JAM3: variants seen among roughly 807,000 people sequenced by gnomAD.
The protein encoded by JAM3 is junctional adhesion molecule 3, also known as junctional adhesion molecule C.
In JAM3, 31 loss-of-function variants were observed where a neutral mutation model predicts 39.4. The observed-to-expected ratio is 0.79, with a 90% CI of 0.59 to 1.06. JAM3 has a LOEUF of 1.06. Ranked by LOEUF, JAM3 falls within the 50% of genes least tolerant of loss-of-function variation. The pLI is 0.00. For missense variants in JAM3, 455 were observed against 391.4 expected (o/e 1.16, Z -1.37); for synonymous variants, 182 against 148.7 (o/e 1.22, Z -1.63).
intron 1 of JAM3, chr11:134,124,090 C>T (rs1942591064): frequency 6.7e-7 from 1 of 1,489,056 alleles, no homozygotes; most frequent in African/African-American, 1.4e-5. Flanking sequence ...TTTAACCAAT[C>T]ATCTACTATC....
intron 1 of JAM3, among the ~76,000 whole-genome samples, chr11:134,134,876 GTTC>G (rs1485607930): frequency 1.2e-4 from 18 of 152,248 alleles, no homozygotes; most frequent in African/African-American, 4.3e-4. Flanking sequence ...AGTTGTAGGA[GTTC>G]TTTATATATT....
intron 1 of JAM3, among the ~76,000 whole-genome samples, chr11:134,094,635 T>G (rs1376936263): frequency 6.2e-5 from 4 of 64,180 alleles, no homozygotes; most frequent in African/African-American, 1.1e-4. Context: ...CCCTCCTTAT[T>G]CATCATGTTC....
chr11:134,073,729 T>A (rs531043516), intron 1 of JAM3, among the ~76,000 whole-genome samples: 1 of 152,248 alleles, frequency 6.6e-6, no homozygotes, highest in African/African-American at 2.4e-5. Context: ...CATTGTATTT[T>A]CTCAATGATA....
In JAM3 at chr11:134,069,097, G is replaced by T; in HGVS notation, c.14G>T (p.Arg5Leu). Residue 5 changes from arginine to leucine, a missense_variant, in exon 1 of 9, where the codon CGG becomes CTG. Coordinates refer to ENST00000299106, the MANE Select transcript of JAM3 (RefSeq NM_032801.5). MALRRPPRLRLCARL... is the reference protein window; with the variant it reads MALRLPPRLRLCARL... The stretch of plus-strand genomic sequence containing the variant: ...GCAACCCTCGACATGGCGCTGAGGC[G>T]GCCACCGCGACTCCGGCTCTGCGCT... 1 of 1,611,628 alleles carries T rather than the reference G, an allele frequency of 6.2e-7. No individual in the cohort carries two copies.
At chr11:134,125,185 G>A (rs1423924678) in intron 1 of JAM3, among the ~76,000 whole-genome samples, 4 of 152,360 alleles carry the variant, frequency 2.6e-5, no homozygotes, top group Non-Finnish European at 4.4e-5. Flanking sequence ...CGCCGCCACC[G>A]CCGCTGCACG....
At position 134,150,120 on chromosome 11, in the gene JAM3, A is replaced by G; in HGVS notation, c.*939A>G. On this transcript the variant is annotated 3_prime_UTR_variant, in exon 9 of 9. Coordinates refer to ENST00000299106, the MANE Select transcript of JAM3 (RefSeq NM_032801.5). Reference sequence around the variant, plus strand: ...AGTATTTTACCCAAGGAATCCTCTCATGGAAGTTTACTGTGATGTTCCTTT... The same window carrying G: ...AGTATTTTACCCAAGGAATCCTCTCGTGGAAGTTTACTGTGATGTTCCTTT... 6.5e-6 allele frequency: 1 copy of G among 154,824 alleles called. No individual in the cohort carries two copies. The highest frequency in any genetic ancestry group is 1.4e-5 in the Non-Finnish European group (1 of 69,880). The allele number at this position is 154,824 out of a possible 1,614,324, so 9.6% of individuals were successfully genotyped here. A position where few individuals can be genotyped will look rare whatever the true frequency, so the allele number is the denominator to read the frequency against.
At chr11:134,078,642 G>T (rs1158643503) in intron 1 of JAM3, among the ~76,000 whole-genome samples, 1 of 152,212 alleles carries the variant, frequency 6.6e-6, no homozygotes, top group Non-Finnish European at 1.5e-5. Flanking sequence ...AACAGGAATT[G>T]GAGCTTTACT....
At chr11:134,098,897 C>G (rs1942028772) in intron 1 of JAM3, among the ~76,000 whole-genome samples, 1 of 152,108 alleles carries the variant, frequency 6.6e-6, no homozygotes, top group Non-Finnish European at 1.5e-5. Context: ...TCCAGAAAGC[C>G]TTCATTTAAA....
intron 1 of JAM3, among the ~76,000 whole-genome samples, chr11:134,110,442 G>C (rs749740333): frequency 6.6e-6 from 1 of 152,224 alleles, no homozygotes; most frequent in Non-Finnish European, 1.5e-5. Context: ...TTCCATAAAT[G>C]GAATATGACT....
At chr11:134,148,253 A>T in intron 6 of JAM3, 1 of 447,336 alleles carries the variant, frequency 2.2e-6, no homozygotes, top group Non-Finnish European at 4.1e-6. Context: ...TCAGGCATTC[A>T]GCCAGAGGAT....
chr11:134,151,952 C>A lies in JAM3; in HGVS notation c.*2771C>A, dbSNP rs1372092998. 3 of 152,144 alleles carry A rather than the reference C, an allele frequency of 2.0e-5. No individual in the cohort carries two copies. The highest frequency in any genetic ancestry group is 4.4e-5 in the Non-Finnish European group (3 of 68,034). 9.4% of individuals were successfully genotyped at this position (152,144 alleles called of 1,614,324 possible). The stretch of plus-strand genomic sequence containing the variant: ...CACCGAGCCCACCTGTGTTGCGGTT[C>A]CCACTTGGGATGGCAGTGGGCAGAT... On this transcript the variant is annotated 3_prime_UTR_variant, in exon 9 of 9. Transcript: ENST00000299106.
At chr11:134,148,254 G>A (rs1419916640) in intron 6 of JAM3, 14 of 450,272 alleles carry the variant, frequency 3.1e-5, no homozygotes, top group Non-Finnish European at 4.1e-5. Context: ...CAGGCATTCA[G>A]CCAGAGGATT....
intron 6 of JAM3, chr11:134,148,299 C>A: frequency 1.8e-6 from 1 of 552,874 alleles, no homozygotes; most frequent in Non-Finnish European, 3.2e-6. Context: ...CTTTAATACA[C>A]TTTTCAGTGC....
chr11:134,107,178 T>C (rs1216615027), intron 1 of JAM3, among the ~76,000 whole-genome samples: 3 of 152,340 alleles, frequency 2.0e-5, no homozygotes, highest in East Asian at 3.9e-4. Context: ...TCATGTCCTT[T>C]GTCGGGATAT....
Position 134,150,567 on chromosome 11 carries a change from G to A in JAM3, c.*1386G>A, listed in dbSNP as rs1305002922. The A allele has an allele frequency of 4.6e-5, 7 of 152,142 alleles. No homozygotes were observed. Among genetic ancestry groups the A allele is most frequent in the Admixed American group, 6.5e-5 (1 of 15,278 alleles). The allele number at this position is 152,142 out of a possible 1,614,324, so 9.4% of individuals were successfully genotyped here. On this transcript the variant is annotated 3_prime_UTR_variant, in exon 9 of 9. Coordinates refer to ENST00000299106, the MANE Select transcript of JAM3 (RefSeq NM_032801.5). ...GGGACACTGGTGTCTTCCATGTAGC[G>A]TCCCAGCTTTGGGCTCCTGTAACAG...
At chr11:134,102,776 C>A (rs1244966661) in intron 1 of JAM3, among the ~76,000 whole-genome samples, 1 of 151,934 alleles carries the variant, frequency 6.6e-6, no homozygotes, top group Non-Finnish European at 1.5e-5. Context: ...GATTGAAGAT[C>A]AAATGAATGA....
At chr11:134,091,165 G>T (rs1024072142) in intron 1 of JAM3, among the ~76,000 whole-genome samples, 16 of 152,128 alleles carry the variant, frequency 1.1e-4, no homozygotes, top group African/African-American at 3.9e-4. Context: ...CTGAGGACCA[G>T]CCTGGGCAAC....
At chr11:134,129,024 C>T (rs1325476563) in intron 1 of JAM3, among the ~76,000 whole-genome samples, 1 of 152,114 alleles carries the variant, frequency 6.6e-6, no homozygotes. Context: ...GTTGGTTTCT[C>T]CTGAGACCTC....
At chr11:134,130,325 A>G (rs1003425036) in intron 1 of JAM3, among the ~76,000 whole-genome samples, 1 of 152,184 alleles carries the variant, frequency 6.6e-6, no homozygotes, top group African/African-American at 2.4e-5. Context: ...CATTTGCTAT[A>G]TTGTATTGAA....
Sources: gnomAD v4.1 joint callset for allele counts (sites outside exome capture counted in the v4.1 genomes callset) on GRCh38, gnomAD v4.1.1 for gene constraint, MANE v1.5 for transcripts, NCBI Gene and HGNC (gene_info 2026-07-23, HGNC 2026-07-21) for gene names.